Variants in CDKAL1 observed in about 807,000 individuals in gnomAD.
CDKAL1 encodes the protein threonylcarbamoyladenosine tRNA methylthiotransferase.
In CDKAL1, 32 loss-of-function variants were observed where a neutral mutation model predicts 68.2. The observed-to-expected ratio is 0.47, with a 90% confidence interval of 0.35 to 0.63. The LOEUF (loss-of-function observed/expected upper bound fraction) is 0.63. CDKAL1 is among the 30% of genes least tolerant of loss of function. The pLI, the probability that CDKAL1 is intolerant of heterozygous loss-of-function variation, is 0.00. For missense variants in CDKAL1, 606 were observed against 696.7 expected, an observed-to-expected ratio of 0.87 and a Z score of 1.47; for synonymous variants, 234 against 244.3, an observed-to-expected ratio of 0.96 and a Z score of 0.39.
chr6:20,783,953 G>A (rs900193890), intron 8 of CDKAL1, among the ~76,000 whole-genome samples: 21 of 152,142 alleles, frequency 1.4e-4, no homozygotes, highest in South Asian at 4.1e-4. Context: ...GGTGGCTCAT[G>A]CCTGTAATCC....
intron 9 of CDKAL1, among the ~76,000 whole-genome samples, chr6:20,903,508 C>T (rs1047737071): frequency 1.3e-5 from 2 of 152,028 alleles, no homozygotes; most frequent in African/African-American, 4.8e-5. Flanking sequence ...ATATATTTAC[C>T]GAAGAAGGTG....
chr6:20,959,927 A>G (rs1764970253), intron 10 of CDKAL1, among the ~76,000 whole-genome samples: 1 of 152,192 alleles, frequency 6.6e-6, no homozygotes, highest in Admixed American at 6.5e-5. Flanking sequence ...GAACCCAACA[A>G]GGTTCACATG....
intron 10 of CDKAL1, among the ~76,000 whole-genome samples, chr6:20,997,039 G>A (rs1767157285): frequency 6.6e-6 from 1 of 152,162 alleles, no homozygotes; most frequent in African/African-American, 2.4e-5. Context: ...CGTGTATGTT[G>A]ATGTAGTTGT....
At chr6:21,227,931 G>A (rs1562132769) in intron 15 of CDKAL1, among the ~76,000 whole-genome samples, 2 of 152,152 alleles carry the variant, frequency 1.3e-5, no homozygotes, top group Non-Finnish European at 2.9e-5. Context: ...AGGCCAAGAA[G>A]GCGCAGTACC....
chr6:20,857,786 G>A (rs184133861), intron 9 of CDKAL1, among the ~76,000 whole-genome samples: 4 of 152,264 alleles, frequency 2.6e-5, no homozygotes, highest in Non-Finnish European at 4.4e-5. Flanking sequence ...AAAAATCTGG[G>A]CCAGTTTTCT....
At chr6:20,882,375 C>G (rs1760867411) in intron 9 of CDKAL1, among the ~76,000 whole-genome samples, 1 of 152,162 alleles carries the variant, frequency 6.6e-6, no homozygotes, top group African/African-American at 2.4e-5. Flanking sequence ...CATAAAAACA[C>G]CCAGGTTAAC....
chr6:20,602,845 C>T (rs924823755), intron 4 of CDKAL1, among the ~76,000 whole-genome samples: 2 of 152,112 alleles, frequency 1.3e-5, no homozygotes, highest in African/African-American at 2.4e-5. Context: ...TCCTTTTAAC[C>T]ATATTCATTG....
At chr6:20,934,317 G>A (rs2150680698) in intron 9 of CDKAL1, among the ~76,000 whole-genome samples, 1 of 152,276 alleles carries the variant, frequency 6.6e-6, no homozygotes, top group Non-Finnish European at 1.5e-5. Flanking sequence ...GGTGACACTA[G>A]ACAGTGCTAC....
chr6:20,925,260 T>C (rs188231802), intron 9 of CDKAL1, among the ~76,000 whole-genome samples: 14 of 152,338 alleles, frequency 9.2e-5, no homozygotes, highest in African/African-American at 3.1e-4. Flanking sequence ...TATGTACACT[T>C]TTTCAGACAT....
At chr6:21,040,491 G>A (rs16884415) in intron 11 of CDKAL1, among the ~76,000 whole-genome samples, 4,287 of 151,632 alleles carry the variant, frequency 0.028, 209 homozygotes, top group African/African-American at 0.097. Context: ...TCAGAAAGGG[G>A]TAAATAATAG....
chr6:20,895,817 T>C lies in CDKAL1; in HGVS notation c.742+49639T>C, dbSNP rs1325083217. Among the ~76,000 whole-genome samples, 6 of 152,186 alleles carry C rather than the reference T, an allele frequency of 3.9e-5. 1 individual carries two copies. Among genetic ancestry groups the C allele is most frequent in the Admixed American group, 2.0e-4 (3 of 15,282 alleles). On this transcript the variant is annotated intron_variant, in intron 9 of 15. Transcript: ENST00000274695. Reference sequence around the variant, plus strand: ...CCCAAAAACATGTCCAGTTGCGTGATTACTATGGCAATATGCATATTTCAA... The same window carrying C: ...CCCAAAAACATGTCCAGTTGCGTGACTACTATGGCAATATGCATATTTCAA...
At chr6:20,981,113 A>C (rs1453488757) in intron 10 of CDKAL1, among the ~76,000 whole-genome samples, 4 of 152,164 alleles carry the variant, frequency 2.6e-5, no homozygotes, top group Non-Finnish European at 4.4e-5. Flanking sequence ...GAGCAGGAGG[A>C]GGCTGTCATG....
chr6:20,542,556 A>G (rs1180186511), intron 2 of CDKAL1, among the ~76,000 whole-genome samples: 1 of 151,724 alleles, frequency 6.6e-6, no homozygotes, highest in Non-Finnish European at 1.5e-5. Flanking sequence ...TACTATCAGT[A>G]AGTATATACG....
chr6:21,227,742 A>C (rs1212598088), intron 15 of CDKAL1, among the ~76,000 whole-genome samples: 4 of 152,216 alleles, frequency 2.6e-5, no homozygotes, highest in African/African-American at 9.6e-5. Flanking sequence ...AGGGGTGGAG[A>C]GAAAAAAAGG....
chr6:20,552,289 C>A (rs1266981989), intron 4 of CDKAL1, among the ~76,000 whole-genome samples: 1 of 151,540 alleles, frequency 6.6e-6, no homozygotes, highest in Non-Finnish European at 1.5e-5. Context: ...GTAGAGGCTG[C>A]AGTGAGCTGT....
chr6:21,160,329 G>A (rs1228091708), intron 13 of CDKAL1, among the ~76,000 whole-genome samples: 12 of 150,738 alleles, frequency 8.0e-5, no homozygotes, highest in South Asian at 4.2e-4. Flanking sequence ...ATGAAGTCTC[G>A]CTCTGTCACC....
chr6:20,670,168 C>T (rs1183803457), intron 5 of CDKAL1, among the ~76,000 whole-genome samples: 2 of 152,166 alleles, frequency 1.3e-5, no homozygotes, highest in Non-Finnish European at 1.5e-5. Flanking sequence ...ACTAACCCAT[C>T]TCTGTGAAAA....
intron 5 of CDKAL1, among the ~76,000 whole-genome samples, chr6:20,683,380 TATAG>T (rs1385949162): frequency 3.7e-4 from 57 of 152,166 alleles, no homozygotes; most frequent in Admixed American, 3.7e-3. Context: ...ATTGTGTTAA[TATAG>T]ATCCATTAGA....
chr6:21,088,960 AATT>A (rs1203597992), intron 12 of CDKAL1, among the ~76,000 whole-genome samples: 1 of 152,068 alleles, frequency 6.6e-6, no homozygotes, highest in Non-Finnish European at 1.5e-5. Flanking sequence ...AATAAAATAA[AATT>A]AGTATGATAT....
Sources: allele counts gnomAD v4.1 joint callset (sites outside exome capture counted in the v4.1 genomes callset), GRCh38; gene constraint gnomAD v4.1.1; transcripts MANE v1.5; gene names NCBI Gene and HGNC (gene_info 2026-07-23, HGNC 2026-07-21).